The following NEK11 variants were observed in gnomAD, a reference collection of about 807,000 sequenced individuals.
The protein encoded by NEK11 is NIMA related kinase 11.
In NEK11, 72 loss-of-function variants were observed where a neutral mutation model predicts 80.7. That is an observed-to-expected ratio of 0.89 (90% CI 0.74 to 1.08). NEK11 has a LOEUF of 1.08. NEK11 is among the 50% of genes least tolerant of loss of function. The pLI is 0.00. For synonymous variants in NEK11, 251 were observed against 260.7 expected, an observed-to-expected ratio of 0.96 and a Z score of 0.36; for missense variants, 764 against 763.6, an observed-to-expected ratio of 1.00 and a Z score of -0.01.
At position 131,080,492 on chromosome 3, in the gene NEK11, C is replaced by T. The variant is rs1456645402; in HGVS notation, c.240C>T (p.Ala80=). ...AAACTGTACAGGCCAATTTGGAAGC[C>T]CAACTCCTCTCCAAGCTGGACCACC... is the stretch of plus-strand genomic sequence containing the variant. ...PNETVQANLE[A]QLLSKLDHPA... Residue 80 remains alanine (A), a synonymous_variant, in exon 4 of 18, where the codon GCC becomes GCT. Transcript: ENST00000383366. The T allele has an allele frequency of 2.5e-6, 4 of 1,613,818 alleles. No homozygotes were observed. Among genetic ancestry groups the T allele is most frequent in the East Asian group, 2.2e-5 (1 of 44,876 alleles).
chr3:131,059,979 C>T (rs1200528060), intron 3 of NEK11, among the ~76,000 whole-genome samples: 3 of 152,092 alleles, frequency 2.0e-5, no homozygotes, highest in South Asian at 4.1e-4. Context: ...ATGCATAGTC[C>T]CTTGTTAAAA....
At chr3:131,100,464 G>T (rs995629809) in intron 4 of NEK11, among the ~76,000 whole-genome samples, 1 of 152,106 alleles carries the variant, frequency 6.6e-6, no homozygotes, top group African/African-American at 2.4e-5. Flanking sequence ...TGGCTACTCA[G>T]GAGGCTGAGG....
At chr3:131,173,659 T>C (rs1014790256) in intron 14 of NEK11, among the ~76,000 whole-genome samples, 2 of 151,908 alleles carry the variant, frequency 1.3e-5, no homozygotes, top group African/African-American at 4.8e-5. Context: ...TCAAAGGAAC[T>C]GGACTTTCAA....
chr3:131,125,667 A>G (rs1474056602), intron 5 of NEK11, among the ~76,000 whole-genome samples: 1 of 152,184 alleles, frequency 6.6e-6, no homozygotes, highest in Non-Finnish European at 1.5e-5. Context: ...CTGTCACATT[A>G]TGTAGTACAG....
chr3:131,318,131 T>G, intron 17 of NEK11, among the ~76,000 whole-genome samples: 1 of 150,808 alleles, frequency 6.6e-6, no homozygotes. Flanking sequence ...AAGAGGGAAG[T>G]AAGGAAAGAA....
intron 17 of NEK11, among the ~76,000 whole-genome samples, chr3:131,313,137 T>G (rs1429139180): frequency 6.6e-6 from 1 of 152,186 alleles, no homozygotes; most frequent in Non-Finnish European, 1.5e-5. Flanking sequence ...CCATCTATAT[T>G]GCTGCAAAGG....
chr3:131,065,649 C>T (rs2071783428), intron 3 of NEK11, among the ~76,000 whole-genome samples: 2 of 152,098 alleles, frequency 1.3e-5, no homozygotes, highest in Non-Finnish European at 2.9e-5. Flanking sequence ...TATAGATGAG[C>T]TGTTCTGCTG....
chr3:131,227,717 G>T (rs1171861724), intron 14 of NEK11, among the ~76,000 whole-genome samples: 1 of 152,052 alleles, frequency 6.6e-6, no homozygotes, highest in Non-Finnish European at 1.5e-5. Context: ...CCCAGCCCAA[G>T]GGTAGTTGTT....
At chr3:131,331,625 GC>G (rs2097084870) in intron 17 of NEK11, among the ~76,000 whole-genome samples, 1 of 152,206 alleles carries the variant, frequency 6.6e-6, no homozygotes, top group Non-Finnish European at 1.5e-5. Flanking sequence ...AGTGGGTGCA[GC>G]GCACCGTGCG....
At chr3:131,165,586 G>T in intron 12 of NEK11, 67 bp downstream of exon 12, 1 of 958,862 alleles carries the variant, frequency 1.0e-6, no homozygotes, top group East Asian at 2.6e-5. Flanking sequence ...GGCGATGATT[G>T]GGTAGGAAAA....
At chr3:131,051,085 T>C (rs1024287776) in intron 3 of NEK11, among the ~76,000 whole-genome samples, 15 of 152,196 alleles carry the variant, frequency 9.9e-5, no homozygotes, top group Admixed American at 8.5e-4. Context: ...ATTTGGGAAA[T>C]GTAGTGGAAA....
At chr3:131,294,214 T>C (rs1048896311) in intron 17 of NEK11, among the ~76,000 whole-genome samples, 2 of 152,114 alleles carry the variant, frequency 1.3e-5, no homozygotes, top group African/African-American at 4.8e-5. Flanking sequence ...CTATAAATTT[T>C]TTCCTAAGCA....
At position 131,165,420 on chromosome 3, in the gene NEK11, T is replaced by A; in HGVS notation, c.1083-6T>A. 2.5e-6 allele frequency: 4 copies of A among 1,570,050 alleles called. No homozygotes were observed. Among genetic ancestry groups the A allele is most frequent in the Non-Finnish European group, 3.5e-6 (4 of 1,140,568 alleles). On this transcript the variant is annotated splice_region_variant and splice_polypyrimidine_tract_variant and intron_variant, in intron 11 of 17. Transcript: ENST00000383366. ...TTATTTTTCTACATTCACTTTAAATTTACAGAAAGATTGTGGAAGAAAAAT... is the reference window on the plus strand; with the variant it reads ...TTATTTTTCTACATTCACTTTAAATATACAGAAAGATTGTGGAAGAAAAAT...
At chr3:131,112,762 A>G (rs1427422223) in intron 5 of NEK11, among the ~76,000 whole-genome samples, 1 of 152,200 alleles carries the variant, frequency 6.6e-6, no homozygotes, top group African/African-American at 2.4e-5. Context: ...TAGGGAACAG[A>G]GCACAGCCAC....
At chr3:131,162,346 T>A in intron 10 of NEK11, 62 bp from the exon 11 acceptor site, 1 of 1,573,046 alleles carries the variant, frequency 6.4e-7, no homozygotes. Context: ...ATAAAATATT[T>A]GTTTAATTTT....
chr3:131,179,223 C>T (rs896084609), intron 14 of NEK11, among the ~76,000 whole-genome samples: 3 of 152,180 alleles, frequency 2.0e-5, no homozygotes, highest in African/African-American at 7.2e-5. Context: ...CACAACCGAA[C>T]CTGCTGTTGC....
intron 17 of NEK11, among the ~76,000 whole-genome samples, 189 bp downstream of exon 17, chr3:131,273,763 T>G (rs2096243749): frequency 6.6e-6 from 1 of 152,186 alleles, no homozygotes; most frequent in African/African-American, 2.4e-5. Context: ...GGTCGAATAA[T>G]TAGGGAAGTT....
rs947304602 is a variant in NEK11 at position 131,211,381 on chromosome 3, C to T, written c.1400-17147C>T. 9.2e-5 allele frequency among the ~76,000 whole-genome samples: 14 copies of T among 152,298 alleles called. No homozygotes were observed. In the South Asian group the frequency reaches 1.0e-3, roughly 11 times the overall value. ...TCCCTTTGTGGGTAACCCAACCTTT[C>T]TCTCTGGCTGCCCTTAACATTTTTT... On this transcript the variant is annotated intron_variant, in intron 14 of 17. Coordinates refer to ENST00000383366, the MANE Select transcript of NEK11 (RefSeq NM_024800.5).
intron 15 of NEK11, among the ~76,000 whole-genome samples, chr3:131,235,576 A>C (rs2095417086): frequency 6.6e-6 from 1 of 152,118 alleles, no homozygotes; most frequent in Non-Finnish European, 1.5e-5. Flanking sequence ...CATTGTTCCC[A>C]CATAACCTGG....
Sources: gnomAD v4.1 joint callset for allele counts (sites outside exome capture counted in the v4.1 genomes callset) on GRCh38, gnomAD v4.1.1 for gene constraint, MANE v1.5 for transcripts, NCBI Gene and HGNC (gene_info 2026-07-23, HGNC 2026-07-21) for gene names.